The following PTBP2 variants were observed in gnomAD, a reference collection of about 807,000 sequenced individuals.
PTBP2 encodes the protein polypyrimidine tract binding protein 2.
In PTBP2, 13 loss-of-function variants were observed where a neutral mutation model predicts 61.4. The ratio of observed to expected loss-of-function variants is 0.21; its 90% CI spans 0.14 to 0.34. The LOEUF (loss-of-function observed/expected upper bound fraction) is 0.34, where lower values mean the gene tolerates loss of function less well. Among genes scored for constraint, PTBP2 ranks in the 10% least tolerant of loss-of-function variants. PTBP2 has a pLI of 1.00. For synonymous variants in PTBP2, 215 were observed against 218.5 expected (o/e 0.98, Z 0.14); for missense variants, 405 against 642.6 (o/e 0.63, Z 4.00).
intron 7 of PTBP2, among the ~76,000 whole-genome samples, chr1:96,779,752 C>A (rs1658443190): frequency 6.6e-6 from 1 of 152,064 alleles, no homozygotes; most frequent in African/African-American, 2.4e-5. Flanking sequence ...CCTAAACTTG[C>A]TTTGCCCCAT....
chr1:96,807,327 A>G (rs2101215169), intron 11 of PTBP2, among the ~76,000 whole-genome samples: 1 of 152,294 alleles, frequency 6.6e-6, no homozygotes, highest in East Asian at 1.9e-4. Context: ...ATGCCATGTT[A>G]TTTTAATTCT....
At position 96,721,879 on chromosome 1, in the gene PTBP2, A is replaced by G. The variant is rs1649603172; in HGVS notation, c.8+7A>G. ...CCGGTTCGGCAATGGACGGGTATGTAATCGGGCCGGCGAGAAGGTGTGTGT... is the reference window on the plus strand; with the variant it reads ...CCGGTTCGGCAATGGACGGGTATGTGATCGGGCCGGCGAGAAGGTGTGTGT... On this transcript the variant is annotated splice_region_variant and intron_variant, in intron 1 of 13. Transcript: ENST00000674951. 6.3e-7 allele frequency: 1 copy of G among 1,575,510 alleles called. No individual in the cohort carries two copies.
At chr1:96,724,092 G>A (rs1341955842) in intron 2 of PTBP2, among the ~76,000 whole-genome samples, 1 of 152,180 alleles carries the variant, frequency 6.6e-6, no homozygotes, top group Non-Finnish European at 1.5e-5. Flanking sequence ...TAGAAGTTAA[G>A]AGCTGGTTTG....
At chr1:96,807,231 A>G (rs950800549) in intron 11 of PTBP2, among the ~76,000 whole-genome samples, 13 of 152,232 alleles carry the variant, frequency 8.5e-5, no homozygotes, top group Non-Finnish European at 4.4e-5. Flanking sequence ...TATATCATTT[A>G]TATTGAAGAT....
chr1:96,819,773 T>C (rs1338371035), downstream of PTBP2: 1 of 151,700 alleles, frequency 6.6e-6, no homozygotes, highest in Non-Finnish European at 1.5e-5. Flanking sequence ...TTCCAGATGG[T>C]TGAAATCACT....
intron 3 of PTBP2, among the ~76,000 whole-genome samples, chr1:96,763,032 A>AGAGGC (rs1656190512): frequency 6.6e-6 from 1 of 150,430 alleles, no homozygotes. Context: ...GCGGCCGGGA[A>AGAGGC]GAGGCGCTCC....
intron 8 of PTBP2, among the ~76,000 whole-genome samples, chr1:96,792,101 T>C (rs1659908832): frequency 1.3e-5 from 2 of 152,108 alleles, no homozygotes; most frequent in Admixed American, 1.3e-4. Flanking sequence ...CCTCCCAAAG[T>C]GCTGGGATTA....
chr1:96,730,187 T>C (rs1212476137), intron 2 of PTBP2, among the ~76,000 whole-genome samples: 3 of 152,126 alleles, frequency 2.0e-5, no homozygotes, highest in African/African-American at 7.2e-5. Context: ...TTGGTTTGAG[T>C]TTTCTCTGCT....
chr1:96,772,610 A>G (rs1191396838), intron 5 of PTBP2, among the ~76,000 whole-genome samples: 1 of 151,320 alleles, frequency 6.6e-6, no homozygotes, highest in Non-Finnish European at 1.5e-5. Context: ...CTATTTTTCT[A>G]CTCTCTACTA....
rs1662359062 is a variant in PTBP2, at chr1:96,814,519, A to G, written c.*1114A>G. ...TTAATAAATCTTCAAAATATTTTGT[A>G]TTTAGGAATAGATCTGACTTTAATA... On this transcript the variant is annotated 3_prime_UTR_variant, in exon 14 of 14. Transcript: ENST00000674951. The G allele has an allele frequency of 6.6e-6, 1 of 152,476 alleles. No individual in the cohort carries two copies. The highest frequency in any genetic ancestry group is 1.5e-5 in the Non-Finnish European group (1 of 67,954). The allele number at this position is 152,476 out of a possible 1,614,324, so 9.4% of individuals were successfully genotyped here. A position where few individuals can be genotyped will look rare whatever the true frequency, so the allele number is the denominator to read the frequency against.
At chr1:96,801,351 A>T (rs1400272520) in intron 8 of PTBP2, among the ~76,000 whole-genome samples, 1 of 152,174 alleles carries the variant, frequency 6.6e-6, no homozygotes, top group African/African-American at 2.4e-5. Flanking sequence ...TGAGCACTCC[A>T]TATGTATAAA....
At chr1:96,802,210 C>CGA (rs1661077497) in intron 8 of PTBP2, among the ~76,000 whole-genome samples, 1 of 46,362 alleles carries the variant, frequency 2.2e-5, no homozygotes, top group East Asian at 9.5e-4. Flanking sequence ...GACTCCGTCT[C>CGA]GAAAAAAAAA....
At chr1:96,757,304 G>C (rs2100941446) in intron 3 of PTBP2, among the ~76,000 whole-genome samples, 1 of 151,394 alleles carries the variant, frequency 6.6e-6, no homozygotes, top group South Asian at 2.1e-4. Context: ...CAAGAAAGTT[G>C]ATATGATTAT....
chr1:96,728,591 A>G (rs955985440), intron 2 of PTBP2, among the ~76,000 whole-genome samples: 4 of 152,146 alleles, frequency 2.6e-5, no homozygotes, highest in Admixed American at 1.3e-4. Context: ...TTGTAGCTTT[A>G]TATTGAGTCT....
chr1:96,777,543 A>G (rs373504759), intron 5 of PTBP2, 42 bp from the exon 6 acceptor site: 241 of 1,551,366 alleles, frequency 1.6e-4, no homozygotes, highest in Non-Finnish European at 2.0e-4. Flanking sequence ...AGTATGTGAC[A>G]ATAATGGGTA....
chr1:96,772,663 ATG>A (rs1020367756), intron 5 of PTBP2, among the ~76,000 whole-genome samples: 41 of 152,148 alleles, frequency 2.7e-4, no homozygotes, highest in African/African-American at 9.7e-4. Flanking sequence ...AAGTGAGATA[ATG>A]TGTTATTTGT....
intron 1 of PTBP2, among the ~76,000 whole-genome samples, chr1:96,723,161 C>T (rs1649865719): frequency 6.6e-6 from 1 of 152,076 alleles, no homozygotes; most frequent in Non-Finnish European, 1.5e-5. Flanking sequence ...AGTATTCCCC[C>T]CAGATCAACA....
At chr1:96,784,141 A>G (rs1045053144) in intron 7 of PTBP2, among the ~76,000 whole-genome samples, 3 of 152,128 alleles carry the variant, frequency 2.0e-5, no homozygotes, top group African/African-American at 7.2e-5. Context: ...CAGTATGTTC[A>G]CCTGTTCTCT....
At chr1:96,772,254 A>G (rs1329584136) in intron 5 of PTBP2, among the ~76,000 whole-genome samples, 1 of 152,188 alleles carries the variant, frequency 6.6e-6, no homozygotes, top group Non-Finnish European at 1.5e-5. Flanking sequence ...GAGATTTACT[A>G]GTTTATTATA....
Sources: gnomAD v4.1 joint callset for allele counts (sites outside exome capture counted in the v4.1 genomes callset) on GRCh38, gnomAD v4.1.1 for gene constraint, MANE v1.5 for transcripts, NCBI Gene and HGNC (gene_info 2026-07-23, HGNC 2026-07-21) for gene names.